The following ARHGEF17 variants were observed in gnomAD, a reference collection of about 807,000 sequenced individuals.
ARHGEF17 encodes 164 kDa Rho-specific guanine-nucleotide exchange factor.
A neutral mutation model predicts 174.0 loss-of-function variants in ARHGEF17; 80 were observed. The observed-to-expected ratio is 0.46, with a 90% CI of 0.38 to 0.55. The LOEUF (loss-of-function observed/expected upper bound fraction) is 0.55, where lower values mean the gene tolerates loss of function less well. Ranked by LOEUF, ARHGEF17 falls within the 20% of genes least tolerant of loss-of-function variation. The probability of loss-of-function intolerance (pLI) is 0.00; values close to 1 mark genes in which losing one functional copy is unlikely to be tolerated. For synonymous variants in ARHGEF17, 1,311 were observed against 1,189.1 expected, an observed-to-expected ratio of 1.10 and a Z score of -2.11; for missense variants, 2,886 against 2,839.7, an observed-to-expected ratio of 1.02 and a Z score of -0.37.
chr11:73,323,416 T>C (rs1485799414), intron 1 of ARHGEF17, among the ~76,000 whole-genome samples: 2 of 152,148 alleles, frequency 1.3e-5, no homozygotes, highest in Non-Finnish European at 2.9e-5. Flanking sequence ...GCAGCCCTCG[T>C]GGTGGGTCCT....
chr11:73,336,274 A>C (rs1865285102), intron 1 of ARHGEF17, among the ~76,000 whole-genome samples: 2 of 152,232 alleles, frequency 1.3e-5, no homozygotes. Flanking sequence ...AGGAATACAT[A>C]ACTCAGAGGA....
Position 73,319,618 on chromosome 11 carries a change from C to T in ARHGEF17, c.3192+7788C>T, listed in dbSNP as rs570213153. Among the ~76,000 whole-genome samples the T allele has an allele frequency of 9.2e-5, 14 of 152,340 alleles. No homozygotes were observed. The South Asian group carries it at 1.7e-3, about 18-fold the overall frequency. On this transcript the variant is annotated intron_variant, in intron 1 of 20. Coordinates refer to ENST00000263674, the MANE Select transcript of ARHGEF17 (RefSeq NM_014786.4). ...CAGAGTCCCCAGCTGGTGCTGGTCCCGGGGCAGAACCTTCGAACTCAGGCC... is the reference window on the plus strand; with the variant it reads ...CAGAGTCCCCAGCTGGTGCTGGTCCTGGGGCAGAACCTTCGAACTCAGGCC...
intron 16 of ARHGEF17, 23 bp from the exon 17 acceptor site, chr11:73,364,149 T>C (rs1865797293): frequency 6.2e-7 from 1 of 1,613,678 alleles, no homozygotes; most frequent in Non-Finnish European, 8.5e-7. Flanking sequence ...ACTCCCTTAC[T>C]GCTTCCTCTT....
intron 6 of ARHGEF17, 76 bp from the exon 7 acceptor site, chr11:73,356,633 G>A: frequency 1.3e-6 from 2 of 1,583,704 alleles, no homozygotes; most frequent in Non-Finnish European, 8.6e-7. Flanking sequence ...GTGGGGCCGA[G>A]GGATCACTGG....
chr11:73,363,155 G>A (rs1296872502), intron 14 of ARHGEF17, 51 bp from the exon 15 acceptor site: 5 of 1,476,368 alleles, frequency 3.4e-6, no homozygotes, highest in Middle Eastern at 3.6e-4. Flanking sequence ...AAGATATCAG[G>A]TCCCAGGCCT....
intron 1 of ARHGEF17, among the ~76,000 whole-genome samples, chr11:73,322,252 C>G (rs1865028952): frequency 6.6e-6 from 1 of 152,226 alleles, no homozygotes; most frequent in African/African-American, 2.4e-5. Flanking sequence ...TCCCTGTCTC[C>G]CTGGGATGGG....
chr11:73,361,288 G>A (rs1166455009), intron 12 of ARHGEF17, 127 bp downstream of exon 12: 8 of 847,712 alleles, frequency 9.4e-6, no homozygotes, highest in Non-Finnish European at 1.5e-5. Flanking sequence ...GGAGAATTCA[G>A]CTCTCTGTAC....
chr11:73,310,035 A>T lies in ARHGEF17; in HGVS notation c.1397A>T (p.Asp466Val), dbSNP rs767726857. 6.2e-7 allele frequency: 1 copy of T among 1,613,988 alleles called. No individual in the cohort carries two copies. The highest frequency in any genetic ancestry group is 1.7e-5 in the Admixed American group (1 of 60,000). ...SRQRKSLSNPDIASETLTLLS... is the reference protein window; with the variant it reads ...SRQRKSLSNPVIASETLTLLS... ...CAGCGGAAGTCCCTGTCAAATCCAG[A>T]TATCGCCTCAGAGACCCTGACGCTT... The change falls in exon 1 of 21, where the codon GAT (aspartate) becomes GTT (valine). Residue 466 changes from aspartate to valine, a missense_variant. Physicochemically the swap from Asp to Val is radical, Grantham distance 152 (BLOSUM62 -3). Around this residue, in one of 4 missense-constraint regions of ARHGEF17, gnomAD observed 1,728 missense variants for 1,461.2 expected, o/e 1.18. Transcript: ENST00000263674.
At chr11:73,335,522 G>T (rs939418504) in intron 1 of ARHGEF17, among the ~76,000 whole-genome samples, 2 of 152,002 alleles carry the variant, frequency 1.3e-5, no homozygotes, top group African/African-American at 2.4e-5. Context: ...TGGGAGGGAG[G>T]GGGGCGGATC....
chr11:73,311,298 G>A lies in ARHGEF17; in HGVS notation c.2660G>A (p.Arg887Lys), dbSNP rs146893545. ...GATRSRAQSE[R>K]ALPEALPPPA... The stretch of plus-strand genomic sequence containing the variant: ...ACCAGGAGCCGGGCACAGTCTGAAA[G>A]GGCCCTACCTGAGGCTCTGCCTCCC... Residue 887 changes from arginine to lysine, a missense_variant, in exon 1 of 21, where the codon AGG becomes AAG. Around this residue, in one of 4 missense-constraint regions of ARHGEF17, gnomAD observed 1,728 missense variants for 1,461.2 expected, o/e 1.18. Transcript: ENST00000263674. The A allele has an allele frequency of 2.9e-5, 47 of 1,613,210 alleles. No individual in the cohort carries two copies. In the African/African-American group the frequency reaches 6.1e-4, roughly 21 times the overall value.
intron 9 of ARHGEF17, among the ~76,000 whole-genome samples, chr11:73,357,822 C>T (rs890850831): frequency 1.4e-4 from 22 of 152,188 alleles, no homozygotes; most frequent in Non-Finnish European, 2.6e-4. Flanking sequence ...TGTCTTTCTT[C>T]CCTTCTTGCT....
intron 10 of ARHGEF17, 72 bp from the exon 11 acceptor site, chr11:73,360,248 C>T: frequency 6.5e-7 from 1 of 1,540,870 alleles, no homozygotes; most frequent in Non-Finnish European, 8.9e-7. Context: ...GAGGCAGGTC[C>T]CCACACATTA....
intron 1 of ARHGEF17, among the ~76,000 whole-genome samples, chr11:73,323,500 G>A (rs976286917): frequency 6.6e-6 from 1 of 152,252 alleles, no homozygotes; most frequent in Middle Eastern, 3.2e-3. Context: ...TGGCCCCGCA[G>A]CCCTGGAGGC....
chr11:73,315,440 G>A (rs781194055), intron 1 of ARHGEF17, among the ~76,000 whole-genome samples: 1 of 152,188 alleles, frequency 6.6e-6, no homozygotes, highest in African/African-American at 2.4e-5. Flanking sequence ...TGCTGATGAA[G>A]GTCTGGCAAC....
chr11:73,325,622 C>T (rs563694356), intron 1 of ARHGEF17, among the ~76,000 whole-genome samples: 1 of 152,356 alleles, frequency 6.6e-6, no homozygotes, highest in African/African-American at 2.4e-5. Context: ...GACATCTGTA[C>T]AGATATCAGG....
At chr11:73,334,971 A>G (rs372270827) in intron 1 of ARHGEF17, among the ~76,000 whole-genome samples, 11 of 152,216 alleles carry the variant, frequency 7.2e-5, no homozygotes, top group African/African-American at 2.7e-4. Context: ...TTCCCTGAGC[A>G]CTGGTCTGGT....
At chr11:73,351,179 G>T (rs11235724) in intron 2 of ARHGEF17, among the ~76,000 whole-genome samples, 4 of 152,134 alleles carry the variant, frequency 2.6e-5, no homozygotes, top group Non-Finnish European at 5.9e-5. Context: ...CCATCATCCC[G>T]GCCTTTTCAG....
chr11:73,335,908 C>T (rs1383983991), intron 1 of ARHGEF17, among the ~76,000 whole-genome samples: 2 of 152,240 alleles, frequency 1.3e-5, no homozygotes, highest in Admixed American at 6.5e-5. Context: ...CAAAGCAAGA[C>T]AGTCAATAGA....
chr11:73,362,497 G>A lies in ARHGEF17; in HGVS notation c.4759G>A (p.Asp1587Asn), dbSNP rs773416462. Reference protein sequence around the residue: ...TAPEPAGPELDVEAAADEEAA... With the variant: ...TAPEPAGPELNVEAAADEEAA... ...ACCGGAGCCCGCCGGGCCGGAGCTG[G>A]ACGTCGAGGCCGCTGCAGACGAGGA... is the stretch of plus-strand genomic sequence containing the variant. The change falls in exon 14 of 21, where the codon GAC (aspartate) becomes AAC (asparagine). Residue 1587 changes from aspartate to asparagine, a missense_variant. Transcript: ENST00000263674. 28 of 1,601,332 alleles carry A rather than the reference G, an allele frequency of 1.7e-5. No homozygotes were observed. The South Asian group carries it at 3.1e-4, about 18-fold the overall frequency.
Sources: gnomAD v4.1 joint callset for allele counts (sites outside exome capture counted in the v4.1 genomes callset) on GRCh38, gnomAD v4.1.1 for gene constraint, gnomAD v4.1.1 regional missense constraint, MANE v1.5 for transcripts, NCBI Gene and HGNC (gene_info 2026-07-23, HGNC 2026-07-21) for gene names.